CTSH: variants seen among roughly 807,000 people sequenced by gnomAD.
The protein encoded by CTSH is pro-cathepsin H.
Under a neutral mutation model 56.3 loss-of-function variants are expected in CTSH, and 52 were observed. That is an observed-to-expected ratio of 0.92 (90% CI 0.74 to 1.16). CTSH has a LOEUF of 1.16. CTSH is among the 50% of genes most tolerant of loss of function. The pLI is 0.00. For missense variants in CTSH, 406 were observed against 424.5 expected, an observed-to-expected ratio of 0.96 and a Z score of 0.38; for synonymous variants, 174 against 155.7, an observed-to-expected ratio of 1.12 and a Z score of -0.88.
chr15:78,927,340 T>C (rs1383799021), intron 9 of CTSH: 1 of 281,850 alleles, frequency 3.5e-6, no homozygotes, highest in Non-Finnish European at 6.8e-6. Context: ...CAACAGAACC[T>C]GGCTCATCCT....
At chr15:78,926,110 G>C (rs1212857646) in intron 9 of CTSH, 1 of 152,658 alleles carries the variant, frequency 6.6e-6, no homozygotes, top group East Asian at 1.9e-4. Flanking sequence ...TCTGGGTTGG[G>C]GGTGGCTGGG....
chr15:78,927,394 C>T, intron 9 of CTSH: 1 of 399,408 alleles, frequency 2.5e-6, no homozygotes, highest in Non-Finnish European at 4.6e-6. Flanking sequence ...CACGCTGTGT[C>T]AAGCACGTGC....
intron 1 of CTSH, among the ~76,000 whole-genome samples, chr15:78,944,344 C>T (rs886643573): frequency 2.6e-5 from 4 of 152,218 alleles, no homozygotes; most frequent in African/African-American, 9.6e-5. Context: ...CCACCTGACG[C>T]CATGGGCCCT....
Position 78,921,953 on chromosome 15 carries a change from G to A in CTSH, c.*177C>T. The A allele has an allele frequency of 3.3e-6, 2 of 608,796 alleles. No homozygotes were observed. Among genetic ancestry groups the A allele is most frequent in the East Asian group, 2.8e-5 (1 of 36,054 alleles). The allele number at this position is 608,796 out of a possible 1,614,324, so 37.7% of individuals were successfully genotyped here. A position where few individuals can be genotyped will look rare whatever the true frequency, so the allele number is the denominator to read the frequency against. ...ATCTTTGCGTCATAGACACGGGTGA[G>A]CTCATGGTGGAACTCCTCCTTGTCT... is the stretch of plus-strand genomic sequence containing the variant. On this transcript the variant is annotated 3_prime_UTR_variant, in exon 12 of 12. Transcript: ENST00000220166.
At position 78,932,471 on chromosome 15, in the gene CTSH, G is replaced by A; in HGVS notation, c.406-13C>T. On this transcript the variant is annotated splice_polypyrimidine_tract_variant and intron_variant, in intron 5 of 11. Coordinates refer to ENST00000220166, the MANE Select transcript of CTSH (RefSeq NM_004390.5). Reference sequence around the variant, plus strand: ...TGCCGCAGGCACCCTGGAAAGGCCAGGGGAGAGCAGAGGACATCAGTGATG... The same window carrying A: ...TGCCGCAGGCACCCTGGAAAGGCCAAGGGAGAGCAGAGGACATCAGTGATG... 6.2e-7 allele frequency: 1 copy of A among 1,607,596 alleles called. No individual in the cohort carries two copies. The highest frequency in any genetic ancestry group is 8.5e-7 in the Non-Finnish European group (1 of 1,174,410).
intron 10 of CTSH, among the ~76,000 whole-genome samples, chr15:78,924,509 G>A (rs949861862): frequency 1.3e-5 from 2 of 152,092 alleles, no homozygotes; most frequent in Non-Finnish European, 2.9e-5. Context: ...CTGATGAAGG[G>A]AGGGAAATGA....
At chr15:78,937,445 G>T in intron 2 of CTSH, 22 bp from the exon 3 acceptor site, 2 of 1,596,258 alleles carry the variant, frequency 1.3e-6, no homozygotes, top group South Asian at 1.1e-5. Context: ...CACGCCAGTA[G>T]CAAGTCATGG....
Position 78,944,905 on chromosome 15 carries a change from C to G in CTSH, c.77G>C (p.Cys26Ser), listed in dbSNP as rs1036938. The G allele has an allele frequency of 0.65, 1,000,743 of 1,548,060 alleles. 338,879 individuals are homozygous for G. Among genetic ancestry groups the G allele is most frequent in the Non-Finnish European group, 0.7 (802,801 of 1,145,762 alleles). The change falls in exon 1 of 12, where the codon TGC becomes TCC. Residue 26 changes from cysteine to serine, a missense_variant. Transcript: ENST00000220166. ...CCTCTGCGTACCTAAGGAGTTCACG[C>G]ACAGTTCGGCGGCACCGCAGACGGG... Reference protein sequence around the residue: ...GVPVCGAAELCVNSLEKFHFK... With the variant: ...GVPVCGAAELSVNSLEKFHFK...
intron 1 of CTSH, chr15:78,944,435 T>C (rs970531915): frequency 1.3e-5 from 2 of 154,174 alleles, no homozygotes; most frequent in Non-Finnish European, 2.9e-5. Context: ...AAACAGCCCG[T>C]CCAACCTACT....
chr15:78,944,777 C>G (rs553778429), intron 1 of CTSH, 114 bp downstream of exon 1: 199 of 1,389,192 alleles, frequency 1.4e-4, no homozygotes, highest in Non-Finnish European at 5.6e-5. Context: ...TGGCCTCTCA[C>G]CGGGGAAAGC....
intron 10 of CTSH, among the ~76,000 whole-genome samples, chr15:78,924,077 T>TGG (rs542207009): frequency 4.4e-4 from 16 of 36,352 alleles, no homozygotes; most frequent in Non-Finnish European, 5.4e-4. Context: ...CCCCAGGAGG[T>TGG]GGGGGGGATC....
rs538536895 is a variant in CTSH, at chr15:78,934,259, T to A, written c.405+719A>T. ...AAACATTTCTCATGGAGAATTTCGA[T>A]GGAAAGCCAGGAGTTTCCAGGAAGG... On this transcript the variant is annotated intron_variant, in intron 5 of 11. Coordinates refer to ENST00000220166, the MANE Select transcript of CTSH (RefSeq NM_004390.5). Among the ~76,000 whole-genome samples, 52 of 152,336 alleles carry A rather than the reference T, an allele frequency of 3.4e-4. 2 individuals are homozygous for A. In the South Asian group the frequency reaches 0.011, roughly 31 times the overall value.
In CTSH at chr15:78,922,964, C is replaced by G. The variant is rs762704922; in HGVS notation, c.932+29G>C. ...CTCCAGGCCTGAGCAACATCCCCCT[C>G]CCAGAAGTGGGACCTGGGAGCTGCT... On this transcript the variant is annotated intron_variant, in intron 11 of 11. Coordinates refer to ENST00000220166, the MANE Select transcript of CTSH (RefSeq NM_004390.5). 3.8e-6 allele frequency: 6 copies of G among 1,594,106 alleles called. No individual in the cohort carries two copies. The South Asian group carries it at 6.9e-5, about 18-fold the overall frequency.
At chr15:78,927,512 C>A in intron 9 of CTSH, 2 of 544,620 alleles carry the variant, frequency 3.7e-6, no homozygotes, top group South Asian at 2.5e-5. Flanking sequence ...AACCAGAGGG[C>A]CTGCCTGCCA....
rs1177472123 is a variant in CTSH at position 78,925,389 on chromosome 15, A to G, written c.751T>C (p.Phe251Leu). 6.2e-7 allele frequency: 1 copy of G among 1,613,952 alleles called. No individual in the cohort carries two copies. Among genetic ancestry groups the G allele is most frequent in the South Asian group, 1.1e-5 (1 of 91,078 alleles). Reference sequence around the variant, plus strand: ...AAGTCCTGAGTCACCTCAAAGGCAAAGCTCACAGGGTTGTAGAGGGCCACA... The same window carrying G: ...AAGTCCTGAGTCACCTCAAAGGCAAGGCTCACAGGGTTGTAGAGGGCCACA... ...EAVALYNPVSFAFEVTQDFMM... is the reference protein window; with the variant it reads ...EAVALYNPVSLAFEVTQDFMM... Residue 251 changes from phenylalanine (F) to leucine (L), a missense_variant, in exon 10 of 12, where the codon TTT (phenylalanine) becomes CTT (leucine). Transcript: ENST00000220166.
rs2055058880 is a variant in CTSH at position 78,931,452 on chromosome 15, C to G, written c.547G>C (p.Gly183Arg). Residue 183 changes from glycine to arginine, a missense_variant and splice_region_variant, in exon 7 of 12, where the codon GGG becomes CGG. Transcript: ENST00000220166. ...GGCCCCTTCTGGTCAGAGACGTACC[C>G]TTGGCAGCCGTGATTATTGAAGTCC... ...AQDFNNHGCQGGLPSQAFEYI... is the reference protein window; with the variant it reads ...AQDFNNHGCQRGLPSQAFEYI... 1.9e-6 allele frequency: 3 copies of G among 1,614,214 alleles called. No individual in the cohort carries two copies. The highest frequency in any genetic ancestry group is 1.7e-6 in the Non-Finnish European group (2 of 1,180,032).
rs199936044 is a variant in CTSH at position 78,935,093 on chromosome 15, C to G, written c.301-11G>C. On this transcript the variant is annotated splice_polypyrimidine_tract_variant and intron_variant, in intron 4 of 11. Transcript: ENST00000220166. ...GGTGGCTGAGCAATTCTGGAACAACCAAACACATTATTTTCAGGAAAATAA... is the reference window on the plus strand; with the variant it reads ...GGTGGCTGAGCAATTCTGGAACAACGAAACACATTATTTTCAGGAAAATAA... 6.4e-7 allele frequency: 1 copy of G among 1,569,236 alleles called. No individual in the cohort carries two copies. Among genetic ancestry groups the G allele is most frequent in the Admixed American group, 1.7e-5 (1 of 59,638 alleles).
chr15:78,938,225 C>T (rs112318964), intron 2 of CTSH, among the ~76,000 whole-genome samples: 11,409 of 152,058 alleles, frequency 0.075, 511 homozygotes, highest in East Asian at 0.22. Context: ...AAAAATTAGC[C>T]GGGCATGGTG....
chr15:78,935,589 C>T (rs1410292805), intron 4 of CTSH, 91 bp downstream of exon 4: 1 of 1,111,418 alleles, frequency 9.0e-7, no homozygotes, highest in Admixed American at 2.0e-5. Context: ...GGGGATGGGA[C>T]TGAATCTGCC....
Sources: gnomAD v4.1 joint callset for allele counts (sites outside exome capture counted in the v4.1 genomes callset) on GRCh38, gnomAD v4.1.1 for gene constraint, MANE v1.5 for transcripts, NCBI Gene and HGNC (gene_info 2026-07-23, HGNC 2026-07-21) for gene names.